The following YBX3 variants were observed in gnomAD, a reference collection of about 807,000 sequenced individuals.
The protein encoded by YBX3 is Y-box-binding protein 3.
A neutral mutation model predicts 42.4 loss-of-function variants in YBX3; 29 were observed. The ratio of observed to expected loss-of-function variants is 0.68; its 90% CI spans 0.51 to 0.93. The LOEUF (loss-of-function observed/expected upper bound fraction) is 0.93, where lower values mean the gene tolerates loss of function less well. YBX3 is among the 40% of genes least tolerant of loss of function. YBX3 has a pLI of 0.00. For synonymous variants in YBX3, 195 were observed against 189.8 expected (o/e 1.03, Z -0.22); for missense variants, 517 against 527.5 (o/e 0.98, Z 0.19).
chr12:10,710,022 C>T lies in YBX3; in HGVS notation c.666G>A (p.Gln222=), dbSNP rs2120936512. The change falls in exon 6 of 10, where the codon CAG becomes CAA. Residue 222 remains glutamine (Q), a synonymous_variant. Coordinates refer to ENST00000228251, the MANE Select transcript of YBX3 (RefSeq NM_003651.5). ...TDRQFSGARN[Q]LRRPQYRPQY... ...GAGGGCGATACTGGGGGCGGCGCAG[C>T]TGATTCCGGGCCCCAGAGAACTGCC... 3 of 1,614,072 alleles carry T rather than the reference C, an allele frequency of 1.9e-6. No homozygotes were observed. Among genetic ancestry groups the T allele is most frequent in the East Asian group, 2.2e-5 (1 of 44,884 alleles).
chr12:10,714,615 A>T (rs1203024311), intron 4 of YBX3, among the ~76,000 whole-genome samples: 2 of 152,146 alleles, frequency 1.3e-5, no homozygotes, highest in East Asian at 3.8e-4. Flanking sequence ...CAGAAAACAA[A>T]ATGATTAATA....
chr12:10,704,856 T>C (rs1948120123), intron 6 of YBX3, among the ~76,000 whole-genome samples: 1 of 152,230 alleles, frequency 6.6e-6, no homozygotes, highest in African/African-American at 2.4e-5. Context: ...ACGCTATCCC[T>C]TCACTATGTT....
chr12:10,710,683 G>C (rs1425370407), intron 5 of YBX3: 2 of 812,048 alleles, frequency 2.5e-6, no homozygotes, highest in East Asian at 1.3e-4. Context: ...AGAAGTATAT[G>C]GTGGGGTCTC....
intron 6 of YBX3, 46 bp downstream of exon 6, chr12:10,709,862 C>T (rs566332275): frequency 1.3e-5 from 21 of 1,606,418 alleles, no homozygotes; most frequent in African/African-American, 5.3e-5. Flanking sequence ...CAGAGAAGGA[C>T]GGAAGGGTGA....
chr12:10,713,135 C>A (rs1948218402), intron 5 of YBX3, 76 bp downstream of exon 5: 5 of 1,436,262 alleles, frequency 3.5e-6, no homozygotes, highest in Non-Finnish European at 4.6e-6. Context: ...AGGCATTTAT[C>A]TGCTCCAAGT....
chr12:10,701,092 TA>T (rs1256095542), intron 9 of YBX3, among the ~76,000 whole-genome samples, 161 bp downstream of exon 9: 1 of 152,194 alleles, frequency 6.6e-6, no homozygotes, highest in Non-Finnish European at 1.5e-5. Flanking sequence ...ATCCCAGAAA[TA>T]TTTAACCACC....
At chr12:10,719,048 C>G in intron 2 of YBX3, 32 bp downstream of exon 2, 1 of 1,597,830 alleles carries the variant, frequency 6.3e-7, no homozygotes, top group South Asian at 1.1e-5. Flanking sequence ...TAAGTATAAA[C>G]TTAAAACATG....
chr12:10,714,371 A>G (rs1948235632), intron 4 of YBX3, among the ~76,000 whole-genome samples: 1 of 152,190 alleles, frequency 6.6e-6, no homozygotes, highest in African/African-American at 2.4e-5. Context: ...GTTGTGCTAT[A>G]TGTAGTTTTA....
chr12:10,699,688 GACAAAGTAACCATGAGTTAAAGA>G (rs1376674620), intron 9 of YBX3, 34 bp from the exon 10 acceptor site: 2 of 152,484 alleles, frequency 1.3e-5, no homozygotes, highest in Non-Finnish European at 2.9e-5. Flanking sequence ...TATAAAGAGT[GACAAAGTAACCATGAGTTAAAGA>G]ATAAAAAGGC....
At chr12:10,715,555 A>G in intron 4 of YBX3, 139 bp downstream of exon 4, 1 of 792,304 alleles carries the variant, frequency 1.3e-6, no homozygotes, top group Non-Finnish European at 2.1e-6. Context: ...AAAAAAAAAA[A>G]AATTCTGTTT....
At chr12:10,709,036 A>C (rs1304720381) in intron 6 of YBX3, among the ~76,000 whole-genome samples, 1 of 152,164 alleles carries the variant, frequency 6.6e-6, no homozygotes, top group Non-Finnish European at 1.5e-5. Flanking sequence ...TTTTTAGCAC[A>C]TTTGTCAGGG....
In YBX3 at chr12:10,723,260, G is replaced by C. The variant is rs903965460; in HGVS notation, c.-149C>G. 2 of 1,139,484 alleles carry C rather than the reference G, an allele frequency of 1.8e-6. No homozygotes were observed. Among genetic ancestry groups the C allele is most frequent in the East Asian group, 8.0e-5 (2 of 25,056 alleles). The allele number at this position is 1,139,484 out of a possible 1,614,324, so 70.6% of individuals were successfully genotyped here. A position where few individuals can be genotyped will look rare whatever the true frequency, so the allele number is the denominator to read the frequency against. On this transcript the variant is annotated 5_prime_UTR_variant, in exon 1 of 10. Coordinates refer to ENST00000228251, the MANE Select transcript of YBX3 (RefSeq NM_003651.5). ...GCGGCGGCGGCCGAGGTGGGGTCGC[G>C]CGGCGGAGGCGGCTCGAGCTTCGTG...
At position 10,723,270 on chromosome 12, in the gene YBX3, C is replaced by A; in HGVS notation, c.-159G>T. On this transcript the variant is annotated 5_prime_UTR_variant, in exon 1 of 10. Coordinates refer to ENST00000228251, the MANE Select transcript of YBX3 (RefSeq NM_003651.5). ...CCGAGGTGGGGTCGCGCGGCGGAGGCGGCTCGAGCTTCGTGCTGCGCGCTC... is the reference window on the plus strand; with the variant it reads ...CCGAGGTGGGGTCGCGCGGCGGAGGAGGCTCGAGCTTCGTGCTGCGCGCTC... 8.9e-7 allele frequency: 1 copy of A among 1,120,420 alleles called. No homozygotes were observed. The highest frequency in any genetic ancestry group is 1.1e-6 in the Non-Finnish European group (1 of 904,932). The allele number at this position is 1,120,420 out of a possible 1,614,324, so 69.4% of individuals were successfully genotyped here.
intron 1 of YBX3, chr12:10,720,668 A>G (rs934295240): frequency 1.3e-5 from 2 of 152,224 alleles, no homozygotes; most frequent in Non-Finnish European, 2.9e-5. Flanking sequence ...AAAATTAATT[A>G]CCTGGGAAAA....
At chr12:10,704,010 A>C (rs765398668) in intron 7 of YBX3, 41 bp downstream of exon 7, 5 of 1,577,916 alleles carry the variant, frequency 3.2e-6, no homozygotes, top group Non-Finnish European at 4.4e-6. Context: ...CATTGTGCAC[A>C]CAAGTCCTTT....
chr12:10,717,222 A>T (rs979321866), intron 3 of YBX3, among the ~76,000 whole-genome samples: 1 of 152,174 alleles, frequency 6.6e-6, no homozygotes, highest in Non-Finnish European at 1.5e-5. Context: ...ACAAACCTAA[A>T]CAGAAGGAAA....
chr12:10,702,512 T>A, intron 7 of YBX3: 1 of 151,090 alleles, frequency 6.6e-6, no homozygotes. Context: ...GGAGACTCCA[T>A]CTCAAAATTA....
chr12:10,719,017 A>G, intron 2 of YBX3, 63 bp downstream of exon 2: 6 of 1,507,560 alleles, frequency 4.0e-6, no homozygotes, highest in Non-Finnish European at 5.5e-6. Flanking sequence ...TAAGGGATTT[A>G]TAACTCCTGG....
At chr12:10,712,972 A>G in intron 5 of YBX3, 2 of 472,928 alleles carry the variant, frequency 4.2e-6, no homozygotes, top group South Asian at 3.7e-5. Context: ...AATCTCAGAA[A>G]TCACCACTAA....
Sources: allele counts gnomAD v4.1 joint callset (sites outside exome capture counted in the v4.1 genomes callset), GRCh38; gene constraint gnomAD v4.1.1; transcripts MANE v1.5; gene names NCBI Gene and HGNC (gene_info 2026-07-23, HGNC 2026-07-21).